The following NXN variants were observed in gnomAD, a reference collection of about 807,000 sequenced individuals.
The protein encoded by NXN is nucleoredoxin.
A neutral mutation model predicts 48.6 loss-of-function variants in NXN; 16 were observed. That is an observed-to-expected ratio of 0.33 (90% CI 0.22 to 0.50). NXN has a LOEUF of 0.50. Ranked by LOEUF, NXN falls within the 20% of genes least tolerant of loss-of-function variation. The pLI, the probability that NXN is intolerant of heterozygous loss-of-function variation, is 0.98. For missense variants in NXN, 492 were observed against 605.5 expected (o/e 0.81, Z 1.97); for synonymous variants, 281 against 269.6 (o/e 1.04, Z -0.41).
chr17:819,893 T>A (rs972822243), intron 4 of NXN, among the ~76,000 whole-genome samples: 1 of 151,822 alleles, frequency 6.6e-6, no homozygotes, highest in Non-Finnish European at 1.5e-5. Flanking sequence ...CCCGCGGGAG[T>A]TCTAATTTGT....
intron 1 of NXN, among the ~76,000 whole-genome samples, chr17:913,465 G>A (rs1329662487): frequency 6.6e-6 from 1 of 152,172 alleles, no homozygotes; most frequent in African/African-American, 2.4e-5. Context: ...GTCGGCCCCT[G>A]CCCACAGCAG....
intron 1 of NXN, among the ~76,000 whole-genome samples, chr17:859,748 T>C (rs778657560): frequency 3.9e-5 from 6 of 152,162 alleles, no homozygotes; most frequent in Non-Finnish European, 8.8e-5. Context: ...CTCAGGCTGC[T>C]TCCTTCTCTC....
intron 5 of NXN, among the ~76,000 whole-genome samples, chr17:814,033 G>A (rs1488807570): frequency 2.6e-5 from 4 of 152,020 alleles, no homozygotes; most frequent in East Asian, 3.9e-4. Flanking sequence ...GGCCAAGGCA[G>A]GCAGATCACA....
At chr17:900,125 T>C (rs1266297704) in intron 1 of NXN, among the ~76,000 whole-genome samples, 2 of 150,714 alleles carry the variant, frequency 1.3e-5, no homozygotes, top group South Asian at 2.1e-4. Context: ...ATTAGCGGGG[T>C]GTGGTGGCGC....
rs374936216 is a variant in NXN at position 821,058 on chromosome 17, G to A, written c.713+1299C>T. Among the ~76,000 whole-genome samples the A allele has an allele frequency of 4.2e-4, 30 of 71,730 alleles. 12 individuals carry two copies. The highest frequency in any genetic ancestry group is 2.2e-3 in the African/African-American group (26 of 11,760). The allele number at this position is 71,730 out of a possible 152,430, so 47.1% of individuals were successfully genotyped here. On this transcript the variant is annotated intron_variant, in intron 4 of 7. Transcript: ENST00000336868. ...CGGGGAGCTGCGGCACGGCAGAGAC[G>A]GGGAGCTGTGGCATGGCAGAGACGG...
chr17:977,109 G>A (rs935728481), intron 1 of NXN, among the ~76,000 whole-genome samples: 1 of 152,148 alleles, frequency 6.6e-6, no homozygotes, highest in Admixed American at 6.6e-5. Context: ...TAATTTCCAA[G>A]AGTATGTGTT....
chr17:946,691 G>C (rs2069047616), intron 1 of NXN, among the ~76,000 whole-genome samples: 1 of 152,288 alleles, frequency 6.6e-6, no homozygotes, highest in South Asian at 2.1e-4. Flanking sequence ...AAAAAGAATC[G>C]GCTCTGGAGG....
chr17:819,839 G>A lies in NXN; in HGVS notation c.714-294C>T, dbSNP rs1468576708. ...AACTTTCCATTTCTCAGCACAGACA[G>A]GTCTTTCTTGCCTCAGAGCTCAGAT... On this transcript the variant is annotated intron_variant, in intron 4 of 7. Coordinates refer to ENST00000336868, the MANE Select transcript of NXN (RefSeq NM_022463.5). 2.6e-5 allele frequency among the ~76,000 whole-genome samples: 4 copies of A among 152,158 alleles called. No individual in the cohort carries two copies. In the East Asian group the frequency reaches 7.7e-4, roughly 29 times the overall value.
chr17:883,450 T>C (rs2068307341), intron 1 of NXN, among the ~76,000 whole-genome samples: 1 of 150,640 alleles, frequency 6.6e-6, no homozygotes, highest in Non-Finnish European at 1.5e-5. Flanking sequence ...CAAATTTCCA[T>C]CCACAGCTCC....
intron 2 of NXN, 81 bp from the exon 3 acceptor site, chr17:823,846 G>A (rs1045656599): frequency 1.4e-6 from 2 of 1,465,718 alleles, no homozygotes; most frequent in Admixed American, 2.0e-5. Context: ...GAGCGGTTAA[G>A]ACTCTTCTTG....
At chr17:935,302 C>T (rs530341817) in intron 1 of NXN, among the ~76,000 whole-genome samples, 38 of 152,130 alleles carry the variant, frequency 2.5e-4, no homozygotes, top group Non-Finnish European at 5.0e-4. Flanking sequence ...CCTTGCTGTG[C>T]TCTTTAAACA....
chr17:838,257 G>A (rs1052329880), intron 1 of NXN, among the ~76,000 whole-genome samples: 4 of 147,408 alleles, frequency 2.7e-5, no homozygotes, highest in Non-Finnish European at 3.0e-5. Context: ...TCCGCCTCCC[G>A]AGTAGCTGGG....
rs142690983 is a variant in NXN, at chr17:917,331, C to T, written c.360+61988G>A. 7.2e-3 allele frequency among the ~76,000 whole-genome samples: 1,097 copies of T among 152,286 alleles called. 4 individuals are homozygous for T. The highest frequency in any genetic ancestry group is 0.012 in the Non-Finnish European group (843 of 68,018). Reference sequence around the variant, plus strand: ...TAATTTTTTGTATTTTTAGTAGAGACGGGGTTTCACCATGTTGGCCAGGCT... The same window carrying T: ...TAATTTTTTGTATTTTTAGTAGAGATGGGGTTTCACCATGTTGGCCAGGCT... On this transcript the variant is annotated intron_variant, in intron 1 of 7. Transcript: ENST00000336868. The surrounding 1 kb of genome is among the most constrained non-coding windows in gnomAD (Gnocchi z 4.5).
intron 1 of NXN, among the ~76,000 whole-genome samples, chr17:964,386 A>G (rs2069278109): frequency 6.6e-6 from 1 of 152,218 alleles, no homozygotes; most frequent in South Asian, 2.1e-4. Context: ...GGCTTCAAAA[A>G]GCGCTTCAGA....
At chr17:959,096 G>C (rs888660854) in intron 1 of NXN, 3 of 333,206 alleles carry the variant, frequency 9.0e-6, no homozygotes, top group Non-Finnish European at 1.7e-5. Flanking sequence ...CTGGAGGCGC[G>C]TCGACCTGAT....
At chr17:977,088 C>T (rs796314513) in intron 1 of NXN, among the ~76,000 whole-genome samples, 8 of 152,176 alleles carry the variant, frequency 5.3e-5, no homozygotes, top group South Asian at 2.1e-4. Context: ...AAAATCAGCA[C>T]GTAGCTTTTG....
intron 1 of NXN, among the ~76,000 whole-genome samples, chr17:835,498 T>C (rs1221136191): frequency 1.3e-5 from 2 of 152,026 alleles, no homozygotes; most frequent in Non-Finnish European, 2.9e-5. Context: ...TACTTGAAAG[T>C]TCCCACTGCT....
At chr17:895,742 T>A (rs967576417) in intron 1 of NXN, among the ~76,000 whole-genome samples, 1 of 147,864 alleles carries the variant, frequency 6.8e-6, no homozygotes, top group Non-Finnish European at 1.5e-5. Context: ...GGCGTGAACC[T>A]GAGAGGCGGA....
At chr17:802,214 T>G (rs1911247871) in intron 7 of NXN, among the ~76,000 whole-genome samples, 1 of 152,044 alleles carries the variant, frequency 6.6e-6, no homozygotes. Flanking sequence ...CTCCACCTCC[T>G]GGGCTCAAGC....
Sources: allele counts gnomAD v4.1 joint callset (sites outside exome capture counted in the v4.1 genomes callset), GRCh38; gene constraint gnomAD v4.1.1; non-coding constraint Gnocchi (gnomAD v3.1); transcripts MANE v1.5; gene names NCBI Gene and HGNC (gene_info 2026-07-23, HGNC 2026-07-21).